The following SHC4 variants were observed in gnomAD, a reference collection of about 807,000 sequenced individuals.
The protein encoded by SHC4 is SHC-transforming protein 4.
Under a neutral mutation model 69.4 loss-of-function variants are expected in SHC4, and 41 were observed. That is an observed-to-expected ratio of 0.59 (90% confidence interval 0.46 to 0.77). The LOEUF (loss-of-function observed/expected upper bound fraction) is 0.77, where lower values mean the gene tolerates loss of function less well. Ranked by LOEUF, SHC4 falls within the 30% of genes least tolerant of loss-of-function variation. The pLI, the probability that SHC4 is intolerant of heterozygous loss-of-function variation, is 0.00. For synonymous variants in SHC4, 318 were observed against 299.3 expected, an observed-to-expected ratio of 1.06 and a Z score of -0.64; for missense variants, 777 against 783.8, an observed-to-expected ratio of 0.99 and a Z score of 0.10.
intron 1 of SHC4, among the ~76,000 whole-genome samples, chr15:48,928,168 G>GAAT (rs1567072129): frequency 6.6e-6 from 1 of 151,572 alleles, no homozygotes; most frequent in East Asian, 1.9e-4. Flanking sequence ...CTACAGGCCA[G>GAAT]AACAACGTCT....
At chr15:48,826,320 C>T (rs911073016) in intron 11 of SHC4, among the ~76,000 whole-genome samples, 194 bp from the exon 12 acceptor site, 6 of 150,270 alleles carry the variant, frequency 4.0e-5, no homozygotes, top group Admixed American at 6.6e-5. Flanking sequence ...GGCACGATCT[C>T]GACTCACTGC....
At chr15:48,907,058 T>G (rs35111515) in intron 2 of SHC4, among the ~76,000 whole-genome samples, 29,826 of 152,110 alleles carry the variant, frequency 0.2, 3,901 homozygotes, top group Middle Eastern at 0.33. Flanking sequence ...GTGATTTGCC[T>G]TTTTTAAAAG....
At chr15:48,866,947 G>A (rs990961985) in intron 6 of SHC4, among the ~76,000 whole-genome samples, 4 of 152,166 alleles carry the variant, frequency 2.6e-5, no homozygotes, top group African/African-American at 7.2e-5. Context: ...GCTAAATCCT[G>A]AAACAAGAAT....
chr15:48,893,583 G>T (rs1900170928), intron 2 of SHC4, among the ~76,000 whole-genome samples: 1 of 152,112 alleles, frequency 6.6e-6, no homozygotes, highest in Non-Finnish European at 1.5e-5. Context: ...AAAGGAGGGA[G>T]AAATCATTTG....
chr15:48,846,154 G>A (rs1004284961), intron 9 of SHC4, among the ~76,000 whole-genome samples: 15 of 152,178 alleles, frequency 9.9e-5, no homozygotes, highest in East Asian at 5.8e-4. Context: ...GTGAGCTACC[G>A]GGCCTGGCTA....
At chr15:48,866,143 G>A (rs1286828141) in intron 6 of SHC4, among the ~76,000 whole-genome samples, 1 of 152,126 alleles carries the variant, frequency 6.6e-6, no homozygotes, top group Non-Finnish European at 1.5e-5. Context: ...GTTGTTCAGA[G>A]GCCTTCCCAG....
chr15:48,845,864 G>T (rs1439426141), intron 9 of SHC4, among the ~76,000 whole-genome samples: 1 of 152,040 alleles, frequency 6.6e-6, no homozygotes, highest in African/African-American at 2.4e-5. Flanking sequence ...TGTGTTTTAT[G>T]ATACATGCAT....
At chr15:48,946,709 T>TC in intron 1 of SHC4, 3 of 431,854 alleles carry the variant, frequency 6.9e-6, no homozygotes, top group Non-Finnish European at 9.2e-6. Flanking sequence ...GAACATTCTC[T>TC]CCCCAGAACA....
At chr15:48,921,404 G>A (rs1900751543) in intron 2 of SHC4, among the ~76,000 whole-genome samples, 1 of 150,726 alleles carries the variant, frequency 6.6e-6, no homozygotes, top group African/African-American at 2.4e-5. Flanking sequence ...GTGCAATCTC[G>A]GCTCACTGCA....
intron 9 of SHC4, among the ~76,000 whole-genome samples, chr15:48,846,546 C>T (rs1047654576): frequency 1.1e-4 from 16 of 152,114 alleles, no homozygotes; most frequent in Admixed American, 8.5e-4. Context: ...GAAGCCTTCC[C>T]CTGAATCCTT....
intron 10 of SHC4, among the ~76,000 whole-genome samples, chr15:48,840,653 C>T (rs1320155270): frequency 2.6e-5 from 4 of 152,160 alleles, no homozygotes; most frequent in African/African-American, 9.7e-5. Context: ...CCCACTCCAT[C>T]TCTTTATTAC....
chr15:48,874,692 G>C (rs1281323305), intron 4 of SHC4, among the ~76,000 whole-genome samples: 1 of 152,194 alleles, frequency 6.6e-6, no homozygotes, highest in East Asian at 1.9e-4. Flanking sequence ...AGAGAGGTTT[G>C]ACTGCACAGA....
intron 2 of SHC4, among the ~76,000 whole-genome samples, chr15:48,892,214 C>T (rs890920413): frequency 5.3e-5 from 8 of 152,110 alleles, no homozygotes; most frequent in Non-Finnish European, 5.9e-5. Flanking sequence ...CGATGTTCTT[C>T]TAGAAAATAC....
At chr15:48,861,520 T>A (rs1352994734) in intron 6 of SHC4, among the ~76,000 whole-genome samples, 2 of 152,180 alleles carry the variant, frequency 1.3e-5, no homozygotes, top group Non-Finnish European at 2.9e-5. Context: ...ATATGCCCAT[T>A]TCCCAGGATT....
At chr15:48,860,849 C>A (rs1327856643) in intron 6 of SHC4, among the ~76,000 whole-genome samples, 1 of 152,204 alleles carries the variant, frequency 6.6e-6, no homozygotes, top group Non-Finnish European at 1.5e-5. Flanking sequence ...AAGACAATGT[C>A]CTGAGTCATC....
chr15:48,862,906 T>A (rs1439178828), intron 6 of SHC4, among the ~76,000 whole-genome samples: 2 of 151,890 alleles, frequency 1.3e-5, no homozygotes, highest in African/African-American at 4.8e-5. Flanking sequence ...CTCCCTGACA[T>A]CCTTAGCCCT....
chr15:48,892,520 T>C (rs1900154541), intron 2 of SHC4, among the ~76,000 whole-genome samples: 1 of 152,180 alleles, frequency 6.6e-6, no homozygotes. Context: ...ATTGACATTT[T>C]GAGTCATCTT....
chr15:48,855,897 T>C, intron 8 of SHC4, 56 bp downstream of exon 8: 1 of 1,521,636 alleles, frequency 6.6e-7, no homozygotes, highest in Non-Finnish European at 8.9e-7. Context: ...GTAAATGCTC[T>C]AGTGATAAGG....
chr15:48,843,690 C>T, intron 9 of SHC4, 102 bp from the exon 10 acceptor site: 2 of 1,124,098 alleles, frequency 1.8e-6, no homozygotes, highest in South Asian at 1.7e-5. Context: ...AAGGCCATGC[C>T]CCACCCTATA....
Sources: allele counts gnomAD v4.1 joint callset (sites outside exome capture counted in the v4.1 genomes callset), GRCh38; gene constraint gnomAD v4.1.1; transcripts MANE v1.5; gene names NCBI Gene and HGNC (gene_info 2026-07-23, HGNC 2026-07-21).